The following PTPRS variants were observed in gnomAD, a reference collection of about 807,000 sequenced individuals.
The protein encoded by PTPRS is protein tyrosine phosphatase receptor type S.
In PTPRS, 63 loss-of-function variants were observed where a neutral mutation model predicts 215.3. That is an observed-to-expected ratio of 0.29 (90% CI 0.24 to 0.36). The LOEUF (loss-of-function observed/expected upper bound fraction) is 0.36. Among genes scored for constraint, PTPRS ranks in the 10% least tolerant of loss-of-function variants. The probability of loss-of-function intolerance (pLI) is 1.00; values close to 1 mark genes in which losing one functional copy is unlikely to be tolerated. For missense variants in PTPRS, 2,258 were observed against 2,825.8 expected (o/e 0.80, Z 4.56); for synonymous variants, 1,404 against 1,191.4 (o/e 1.18, Z -3.68).
intron 4 of PTPRS, among the ~76,000 whole-genome samples, chr19:5,266,619 C>A (rs191901212): frequency 6.6e-6 from 1 of 152,142 alleles, no homozygotes; most frequent in Admixed American, 6.5e-5. Context: ...CCTGCCGTGG[C>A]CTCCCAAAGT....
At chr19:5,271,620 T>A (rs10426299) in intron 4 of PTPRS, among the ~76,000 whole-genome samples, 7 of 151,912 alleles carry the variant, frequency 4.6e-5, no homozygotes, top group East Asian at 1.9e-4. Context: ...GGCTGGTCTC[T>A]AAGTCCTGAC....
At chr19:5,246,931 G>C (rs1019465752) in intron 9 of PTPRS, among the ~76,000 whole-genome samples, 1 of 152,076 alleles carries the variant, frequency 6.6e-6, no homozygotes, top group African/African-American at 2.4e-5. Flanking sequence ...GAGACAGAGA[G>C]AGAAAGGAGG....
chr19:5,278,102 C>T lies in PTPRS; in HGVS notation c.92-3758G>A, dbSNP rs533846858. The stretch of plus-strand genomic sequence containing the variant: ...CCCAGCTGCCGTCAGAGTCACCAAC[C>T]CCAATGCCAGGCTGCGCAGTGAAGA... On this transcript the variant is annotated intron_variant, in intron 2 of 37. Coordinates refer to ENST00000262963, the MANE Select transcript of PTPRS (RefSeq NM_002850.4). 57 of 766,458 alleles carry T rather than the reference C, an allele frequency of 7.4e-5. 2 individuals carry two copies. Among genetic ancestry groups the T allele is most frequent in the South Asian group, 4.4e-4 (27 of 62,006 alleles). 47.5% of individuals were successfully genotyped at this position (766,458 alleles called of 1,614,324 possible). A position where few individuals can be genotyped will look rare whatever the true frequency, so the allele number is the denominator to read the frequency against.
intron 16 of PTPRS, among the ~76,000 whole-genome samples, chr19:5,226,954 T>C (rs2042555849): frequency 6.6e-6 from 1 of 152,048 alleles, no homozygotes; most frequent in South Asian, 2.1e-4. Context: ...CCCGGTAGCT[T>C]GAAATTGACA....
intron 35 of PTPRS, among the ~76,000 whole-genome samples, chr19:5,209,995 T>C (rs576082771): frequency 6.6e-6 from 1 of 152,344 alleles, no homozygotes; most frequent in South Asian, 2.1e-4. Flanking sequence ...TCTTCATCTG[T>C]TGCCACCTAA....
chr19:5,257,964 G>A lies in PTPRS; in HGVS notation c.706+53C>T, dbSNP rs950256446. On this transcript the variant is annotated intron_variant, in intron 8 of 37. Coordinates refer to ENST00000262963, the MANE Select transcript of PTPRS (RefSeq NM_002850.4). This position sits in a 1 kb window ranked among gnomAD's most constrained non-coding sequence, Gnocchi z 4.4. ...GGAGGCGGTGAGCCCGAGGAGGGAG[G>A]GGGATGGGACGGGGCGGGTCCCTGC... 3 of 1,485,084 alleles carry A rather than the reference G, an allele frequency of 2.0e-6. No homozygotes were observed. Among genetic ancestry groups the A allele is most frequent in the African/African-American group, 1.4e-5 (1 of 72,566 alleles). The allele number at this position is 1,485,084 out of a possible 1,614,324, so 92.0% of individuals were successfully genotyped here.
chr19:5,256,025 A>C, intron 9 of PTPRS, 83 bp downstream of exon 9: 1 of 1,239,896 alleles, frequency 8.1e-7, no homozygotes, highest in Non-Finnish European at 1.1e-6. Flanking sequence ...TGTGGTGTCT[A>C]CATGTGTTTT....
At chr19:5,331,571 C>T (rs921558691) in intron 1 of PTPRS, among the ~76,000 whole-genome samples, 3 of 152,194 alleles carry the variant, frequency 2.0e-5, no homozygotes, top group African/African-American at 7.2e-5. Context: ...CCCCCCTGGA[C>T]ATGACACCCA....
intron 1 of PTPRS, among the ~76,000 whole-genome samples, chr19:5,329,848 G>A (rs1475986394): frequency 6.6e-6 from 1 of 151,956 alleles, no homozygotes; most frequent in East Asian, 1.9e-4. Flanking sequence ...AGGCCGAGGT[G>A]TGTGGATCAC....
intron 5 of PTPRS, 28 bp from the exon 6 acceptor site, chr19:5,263,000 A>G (rs1344954378): frequency 6.4e-7 from 1 of 1,571,270 alleles, no homozygotes; most frequent in Non-Finnish European, 8.7e-7. Context: ...GAGGATAAGA[A>G]AAGAGAACAG....
intron 1 of PTPRS, among the ~76,000 whole-genome samples, chr19:5,308,161 G>A (rs573336030): frequency 1.3e-5 from 2 of 152,286 alleles, no homozygotes; most frequent in Non-Finnish European, 2.9e-5. Context: ...AATAAAAGAC[G>A]TGGTGTCACA....
rs10418307 is a variant in PTPRS, at chr19:5,322,613, C to A, written c.-95+18051G>T. On this transcript the variant is annotated intron_variant, in intron 1 of 37. Transcript: ENST00000262963. ...AGACCTCAGGCGGCCGGGCGCGGTG[C>A]TCATGCCTGTCATCCCAGCACTTTA... Among the ~76,000 whole-genome samples the A allele has an allele frequency of 8.3e-3, 1,262 of 152,228 alleles. 9 individuals are homozygous for A. The highest frequency in any genetic ancestry group is 0.013 in the Non-Finnish European group (870 of 68,016).
rs920850524 is a variant in PTPRS at position 5,205,719 on chromosome 19, G to A, written c.*1055C>T. On this transcript the variant is annotated 3_prime_UTR_variant, in exon 38 of 38. Transcript: ENST00000262963. The stretch of plus-strand genomic sequence containing the variant: ...CCAAACTGCCCCACAGTCCCAGGGG[G>A]AAAGGGTCCCTGATGTGGGGCAGCA... Among the ~76,000 whole-genome samples, 2 of 152,082 alleles carry A rather than the reference G, an allele frequency of 1.3e-5. No individual in the cohort carries two copies. Among genetic ancestry groups the A allele is most frequent in the Non-Finnish European group, 2.9e-5 (2 of 68,020 alleles).
chr19:5,277,790 G>A lies in PTPRS; in HGVS notation c.92-3446C>T. On this transcript the variant is annotated intron_variant, in intron 2 of 37. Coordinates refer to ENST00000262963, the MANE Select transcript of PTPRS (RefSeq NM_002850.4). Reference sequence around the variant, plus strand: ...AGATCGTCAAAAAGAGGATCAAGGCGTTCATCCGGCACCAGTCAGACCAAT... The same window carrying A: ...AGATCGTCAAAAAGAGGATCAAGGCATTCATCCGGCACCAGTCAGACCAAT... 12 of 734,964 alleles carry A rather than the reference G, an allele frequency of 1.6e-5. 1 individual carries two copies. The highest frequency in any genetic ancestry group is 1.5e-4 in the South Asian group (11 of 73,930). The allele number at this position is 734,964 out of a possible 1,614,324, so 45.5% of individuals were successfully genotyped here. A position where few individuals can be genotyped will look rare whatever the true frequency, so the allele number is the denominator to read the frequency against.
chr19:5,250,747 A>C (rs1007110070), intron 9 of PTPRS, among the ~76,000 whole-genome samples: 10 of 151,400 alleles, frequency 6.6e-5, no homozygotes, highest in African/African-American at 2.4e-4. Flanking sequence ...CAAAGCAACC[A>C]GGAGACGACC....
At chr19:5,261,998 C>T (rs1029037670) in intron 6 of PTPRS, among the ~76,000 whole-genome samples, 1 of 152,160 alleles carries the variant, frequency 6.6e-6, no homozygotes, top group African/African-American at 2.4e-5. Flanking sequence ...TCAGGCCGGG[C>T]GTGGTGGCTC....
At chr19:5,270,383 G>A (rs551703744) in intron 4 of PTPRS, among the ~76,000 whole-genome samples, 31 of 135,992 alleles carry the variant, frequency 2.3e-4, no homozygotes, top group African/African-American at 6.9e-4. Flanking sequence ...CTTGAACTCC[G>A]AGGCTCAGGC....
intron 1 of PTPRS, among the ~76,000 whole-genome samples, chr19:5,336,147 A>G (rs1002324590): frequency 2.6e-5 from 4 of 151,640 alleles, no homozygotes; most frequent in African/African-American, 9.7e-5. Context: ...TTCCCCACAC[A>G]CAACCCCCTC....
At chr19:5,258,201 G>T in intron 7 of PTPRS, 74 bp from the exon 8 acceptor site, 1 of 1,271,194 alleles carries the variant, frequency 7.9e-7, no homozygotes, top group Non-Finnish European at 1.1e-6. Flanking sequence ...TCCCCCACCA[G>T]AGTGCTCTCT....
Sources: gnomAD v4.1 joint callset for allele counts (sites outside exome capture counted in the v4.1 genomes callset) on GRCh38, gnomAD v4.1.1 for gene constraint, Gnocchi (gnomAD v3.1) non-coding constraint, MANE v1.5 for transcripts, NCBI Gene and HGNC (gene_info 2026-07-23, HGNC 2026-07-21) for gene names.